Variants in SECISBP2L observed in about 807,000 individuals in gnomAD.
SECISBP2L encodes selenocysteine insertion sequence-binding protein 2-like.
SECISBP2L carries 43 observed loss-of-function variants against 114.7 expected under a neutral mutation model. That is an observed-to-expected ratio of 0.38 (90% CI 0.29 to 0.48). The LOEUF (loss-of-function observed/expected upper bound fraction) is 0.48, where lower values mean the gene tolerates loss of function less well. SECISBP2L is among the 20% of genes least tolerant of loss of function. The pLI, the probability that SECISBP2L is intolerant of heterozygous loss-of-function variation, is 0.98. For synonymous variants in SECISBP2L, 451 were observed against 439.7 expected (o/e 1.03, Z -0.32); for missense variants, 1,136 against 1,301.1 (o/e 0.87, Z 1.95).
rs1194438458 is a variant in SECISBP2L at position 49,041,174 on chromosome 15, G to A, written c.25-3405C>T. 3.9e-5 allele frequency among the ~76,000 whole-genome samples: 6 copies of A among 152,220 alleles called. No individual in the cohort carries two copies. In the South Asian group the frequency reaches 1.0e-3, roughly 26 times the overall value. On this transcript the variant is annotated intron_variant, in intron 1 of 17. Transcript: ENST00000559471. The stretch of plus-strand genomic sequence containing the variant: ...AAGTCTAATCATTCTTGTATTATTT[G>A]CTTCACAAAAAAGCACAACCATCTA...
intron 11 of SECISBP2L, among the ~76,000 whole-genome samples, chr15:49,014,306 T>C (rs1377868200): frequency 6.6e-6 from 1 of 152,202 alleles, no homozygotes; most frequent in Non-Finnish European, 1.5e-5. Flanking sequence ...CTTCCTCTTA[T>C]CCTTTAAATG....
chr15:48,999,499 GAGACTGAAGAAATTAC>G (rs1285531406), intron 16 of SECISBP2L, among the ~76,000 whole-genome samples: 2 of 152,072 alleles, frequency 1.3e-5, no homozygotes, highest in East Asian at 3.8e-4. Context: ...TACCCATCTA[GAGACTGAAGAAATTAC>G]ATTACGTAAT....
chr15:49,035,749 A>G, intron 2 of SECISBP2L, 91 bp from the exon 3 acceptor site: 1 of 1,143,082 alleles, frequency 8.7e-7, no homozygotes, highest in South Asian at 1.6e-5. Flanking sequence ...AATAAAAGAC[A>G]AAACAGAACA....
intron 17 of SECISBP2L, among the ~76,000 whole-genome samples, chr15:48,995,380 G>A (rs1379874376): frequency 1.3e-5 from 2 of 152,136 alleles, no homozygotes; most frequent in Admixed American, 6.6e-5. Flanking sequence ...GCCCACAACA[G>A]CTTGTTAATT....
chr15:49,019,652 A>T, intron 7 of SECISBP2L, 100 bp from the exon 8 acceptor site: 1 of 969,130 alleles, frequency 1.0e-6, no homozygotes. Flanking sequence ...GCAAGTGTAC[A>T]ACTCAATAAA....
At chr15:49,007,006 A>T (rs1902337116) in intron 14 of SECISBP2L, among the ~76,000 whole-genome samples, 1 of 152,020 alleles carries the variant, frequency 6.6e-6, no homozygotes, top group Admixed American at 6.6e-5. Flanking sequence ...GTTGATGTTG[A>T]TGCTATTCCT....
intron 14 of SECISBP2L, among the ~76,000 whole-genome samples, chr15:49,002,406 T>C (rs886478106): frequency 6.6e-6 from 1 of 152,244 alleles, no homozygotes; most frequent in Non-Finnish European, 1.5e-5. Flanking sequence ...AGGTTGCCTA[T>C]TCACTCTGAC....
intron 7 of SECISBP2L, among the ~76,000 whole-genome samples, chr15:49,021,378 G>GA (rs1313812590): frequency 1.3e-5 from 2 of 151,792 alleles, no homozygotes; most frequent in African/African-American, 2.4e-5. Flanking sequence ...ATATGGGCAA[G>GA]AAAAAAAACA....
chr15:49,012,956 C>T (rs1256222141), intron 11 of SECISBP2L, 139 bp from the exon 12 acceptor site: 35 of 757,866 alleles, frequency 4.6e-5, no homozygotes, highest in Non-Finnish European at 4.2e-6. Context: ...CTATACATGG[C>T]TAGGCAGTGT....
chr15:48,998,512 GAT>G (rs1357865229), intron 16 of SECISBP2L, among the ~76,000 whole-genome samples: 1 of 152,090 alleles, frequency 6.6e-6, no homozygotes, highest in Non-Finnish European at 1.5e-5. Context: ...TATGCAAATG[GAT>G]ATGTGAGTTT....
In SECISBP2L at chr15:48,988,741, C is replaced by T. The variant is rs1901910307; in HGVS notation, c.*3503G>A. 3.1e-6 allele frequency: 1 copy of T among 327,588 alleles called. No individual in the cohort carries two copies. Among genetic ancestry groups the T allele is most frequent in the Non-Finnish European group, 6.1e-6 (1 of 162,970 alleles). 20.3% of individuals were successfully genotyped at this position (327,588 alleles called of 1,614,324 possible). ...CCCCAAATGTGATATAACAATTATC[C>T]TTCATACAGCAAAAGATGAAAATCC... On this transcript the variant is annotated 3_prime_UTR_variant, in exon 18 of 18. Transcript: ENST00000559471.
Position 49,030,759 on chromosome 15 carries a change from C to G in SECISBP2L, c.665-2077G>C, listed in dbSNP as rs538837246. Among the ~76,000 whole-genome samples the G allele has an allele frequency of 2.0e-5, 3 of 152,318 alleles. No individual in the cohort carries two copies. The East Asian group carries it at 5.8e-4, about 29-fold the overall frequency. Reference sequence around the variant, plus strand: ...ATAAATCAGTAATGCTATCTGTCATCTTCCATATACATGTTTTCATACACA... The same window carrying G: ...ATAAATCAGTAATGCTATCTGTCATGTTCCATATACATGTTTTCATACACA... On this transcript the variant is annotated intron_variant, in intron 4 of 17. Transcript: ENST00000559471.
chr15:48,998,741 A>G (rs1292319133), intron 16 of SECISBP2L, among the ~76,000 whole-genome samples: 3 of 152,194 alleles, frequency 2.0e-5, no homozygotes, highest in Non-Finnish European at 4.4e-5. Flanking sequence ...ACTTGATAAT[A>G]TACCAAGCTG....
chr15:49,038,935 G>C (rs1402857210), intron 1 of SECISBP2L, among the ~76,000 whole-genome samples: 1 of 152,122 alleles, frequency 6.6e-6, no homozygotes, highest in Non-Finnish European at 1.5e-5. Context: ...AAACATAGTT[G>C]TAAGAATAAA....
chr15:49,017,013 C>G lies in SECISBP2L; in HGVS notation c.1254G>C (p.Leu418Phe). 1 of 1,610,160 alleles carries G rather than the reference C, an allele frequency of 6.2e-7. No homozygotes were observed. Among genetic ancestry groups the G allele is most frequent in the Non-Finnish European group, 8.5e-7 (1 of 1,178,756 alleles). The change falls in exon 10 of 18, where the codon TTG becomes TTC. Residue 418 changes from leucine (L) to phenylalanine (F), a missense_variant and splice_region_variant. Around this residue, in one of 2 missense-constraint regions of SECISBP2L, gnomAD observed 684 missense variants for 848.7 expected, o/e 0.81. Coordinates refer to ENST00000559471, the MANE Select transcript of SECISBP2L (RefSeq NM_001193489.2). Reference protein sequence around the residue: ...NIQQKLSSKVLDDLPENSPIN... With the variant: ...NIQQKLSSKVFDDLPENSPIN... ...TTGGTGAGTTTTCAGGTAAATCATC[C>G]AACTATGATAACCAGAAAAAACACA...
At chr15:49,021,564 G>C (rs1374871430) in intron 7 of SECISBP2L, among the ~76,000 whole-genome samples, 1 of 152,204 alleles carries the variant, frequency 6.6e-6, no homozygotes, top group African/African-American at 2.4e-5. Context: ...CTGGAGAGAA[G>C]GTGCTGGTAC....
chr15:48,992,173 T>G lies in SECISBP2L; in HGVS notation c.*71A>C. ...TTAAATACTGGACAGTGCAAAATGT[T>G]GAGATGAAGCATAAAAGGTAATGGC... On this transcript the variant is annotated 3_prime_UTR_variant, in exon 18 of 18. Coordinates refer to ENST00000559471, the MANE Select transcript of SECISBP2L (RefSeq NM_001193489.2). The G allele has an allele frequency of 1.3e-4, 184 of 1,407,128 alleles. No homozygotes were observed. Among genetic ancestry groups the G allele is most frequent in the Non-Finnish European group, 1.7e-4 (174 of 1,032,066 alleles). 87.2% of individuals were successfully genotyped at this position (1,407,128 alleles called of 1,614,324 possible).
At position 49,016,564 on chromosome 15, in the gene SECISBP2L, A is replaced by G. The variant is rs1467475024; in HGVS notation, c.1557T>C (p.Tyr519=). 2 of 1,606,604 alleles carry G rather than the reference A, an allele frequency of 1.2e-6. No homozygotes were observed. Among genetic ancestry groups the G allele is most frequent in the East Asian group, 4.5e-5 (2 of 44,764 alleles). The change falls in exon 11 of 18, where the codon TAT becomes TAC. Residue 519 remains tyrosine, a synonymous_variant. Transcript: ENST00000559471. The part of the protein sequence containing the change: ...RQITNTRPLS[Y]TVVTAASFHT... The stretch of plus-strand genomic sequence containing the variant: ...TGCTCAGACTAATGATATCACCTGT[A>G]TATGACAGAGGTCTGGTGTTAGTAA...
intron 13 of SECISBP2L, among the ~76,000 whole-genome samples, chr15:49,010,479 G>A (rs1902415521): frequency 6.6e-6 from 1 of 152,056 alleles, no homozygotes; most frequent in African/African-American, 2.4e-5. Flanking sequence ...CCATTAATTA[G>A]CAAAGCTACA....
Sources: allele counts gnomAD v4.1 joint callset (sites outside exome capture counted in the v4.1 genomes callset), GRCh38; gene constraint gnomAD v4.1.1; regional missense constraint gnomAD v4.1.1; transcripts MANE v1.5; gene names NCBI Gene and HGNC (gene_info 2026-07-23, HGNC 2026-07-21).